Variants in TENM2 observed in about 807,000 individuals in gnomAD.
The protein encoded by TENM2 is teneurin transmembrane protein 2, also known as teneurin-2.
TENM2 carries 52 observed loss-of-function variants against 245.2 expected under a neutral mutation model. That is an observed-to-expected ratio of 0.21 (90% CI 0.17 to 0.27). TENM2 has a LOEUF of 0.27. TENM2 is among the 10% of genes least tolerant of loss of function. The pLI, the probability that TENM2 is intolerant of heterozygous loss-of-function variation, is 1.00. For missense variants in TENM2, 3,046 were observed against 3,666.8 expected (o/e 0.83, Z 4.37); for synonymous variants, 1,363 against 1,438.9 (o/e 0.95, Z 1.19).
At chr5:167,075,513 A>G in the TENM2 span, among the ~76,000 whole-genome samples, 5 of 152,306 alleles carry the variant, frequency 3.3e-5, no homozygotes, top group African/African-American at 1.2e-4. Flanking sequence ...CTTCCTTGAG[A>G]ATAAAAGCAA....
chr5:167,585,451 G>A (rs1015597182), intron 2 of TENM2, among the ~76,000 whole-genome samples: 4 of 152,124 alleles, frequency 2.6e-5, no homozygotes, highest in African/African-American at 7.2e-5. Context: ...TGAATATCAG[G>A]CATTTTGCTA....
chr5:167,514,651 G>A (rs1385554946), intron 2 of TENM2, among the ~76,000 whole-genome samples: 2 of 152,182 alleles, frequency 1.3e-5, no homozygotes, highest in African/African-American at 4.8e-5. Flanking sequence ...GAGGTGTAGG[G>A]CCTGAATGAC....
chr5:167,104,906 T>C, the TENM2 span, among the ~76,000 whole-genome samples: 1 of 152,202 alleles, frequency 6.6e-6, no homozygotes, highest in Non-Finnish European at 1.5e-5. Flanking sequence ...CTGAATGTGA[T>C]GGAATATGTG....
intron 23 of TENM2, among the ~76,000 whole-genome samples, chr5:168,225,547 G>A (rs945741091): frequency 7.2e-5 from 11 of 152,184 alleles, no homozygotes; most frequent in African/African-American, 2.7e-4. Flanking sequence ...GATCACCTGA[G>A]GTCAGGAGTT....
At chr5:167,012,062 C>T in the TENM2 span, among the ~76,000 whole-genome samples, 1 of 152,054 alleles carries the variant, frequency 6.6e-6, no homozygotes, top group Non-Finnish European at 1.5e-5. Context: ...AATGAAAATA[C>T]AGAAGACAAG....
chr5:167,211,347 G>A, the TENM2 span, among the ~76,000 whole-genome samples: 5 of 152,112 alleles, frequency 3.3e-5, no homozygotes, highest in African/African-American at 9.7e-5. Context: ...TAACTCTGAG[G>A]ATAAGATGCT....
intron 1 of TENM2, among the ~76,000 whole-genome samples, chr5:167,301,761 G>A (rs1215622266): frequency 6.6e-6 from 1 of 152,158 alleles, no homozygotes; most frequent in African/African-American, 2.4e-5. Context: ...TCTGATTTGG[G>A]ATAAGGAAAA....
chr5:168,247,911 T>C lies in TENM2; in HGVS notation c.6972T>C (p.Ser2324=). The C allele has an allele frequency of 1.2e-6, 2 of 1,613,964 alleles. No homozygotes were observed. The highest frequency in any genetic ancestry group is 1.3e-5 in the African/African-American group (1 of 75,036). The stretch of plus-strand genomic sequence containing the variant: ...GCCACCACCTGCAGTACTTCTACTC[T>C]GACCTCCACAACCCGACGCGCATCA... Residue 2324 remains serine, a synonymous_variant, in exon 27 of 29, where the codon TCT becomes TCC. Transcript: ENST00000518659. This position sits in a 1 kb window ranked among gnomAD's most constrained non-coding sequence, Gnocchi z 7.8.
At chr5:168,118,437 T>C (rs1795243200) in exon 10 of TENM2, 2 of 1,607,728 alleles carry the variant, frequency 1.2e-6, no homozygotes, top group Middle Eastern at 1.7e-4. Context: ...CCTGCATTGA[T>C]GGGAACTGTG....
At chr5:168,198,918 G>T (rs1761697095) in exon 16 of TENM2, 2 of 1,614,038 alleles carry the variant, frequency 1.2e-6, no homozygotes, top group East Asian at 2.2e-5. Flanking sequence ...CCGTTCATGA[G>T]CCAGGAGCGC....
chr5:167,513,412 A>C (rs1489120850), intron 2 of TENM2, among the ~76,000 whole-genome samples: 1 of 152,212 alleles, frequency 6.6e-6, no homozygotes, highest in Non-Finnish European at 1.5e-5. Flanking sequence ...GTAACGAAGT[A>C]AAGCCTGCCT....
In TENM2 at chr5:167,288,507, G is replaced by A. The variant is rs1242387949; in HGVS notation, c.226+3444G>A. Reference sequence around the variant, plus strand: ...CTGGGAGGCGGAGCTTGCAGTGAGCGGAGATCGCGCCACTGCACTCCAGCC... The same window carrying A: ...CTGGGAGGCGGAGCTTGCAGTGAGCAGAGATCGCGCCACTGCACTCCAGCC... On this transcript the variant is annotated intron_variant, in intron 1 of 28. Coordinates refer to ENST00000518659, the Ensembl canonical transcript of TENM2. 5.3e-5 allele frequency among the ~76,000 whole-genome samples: 8 copies of A among 150,630 alleles called. No homozygotes were observed. The South Asian group carries it at 1.7e-3, about 31-fold the overall frequency.
intron 19 of TENM2, among the ~76,000 whole-genome samples, chr5:168,207,615 T>C (rs1289880557): frequency 1.3e-5 from 2 of 152,056 alleles, no homozygotes; most frequent in Non-Finnish European, 2.9e-5. Flanking sequence ...GTCAATCCCC[T>C]CTCTTCAAAA....
upstream of TENM2, among the ~76,000 whole-genome samples, chr5:167,283,392 G>A (rs1439298726): frequency 6.6e-6 from 1 of 152,060 alleles, no homozygotes; most frequent in East Asian, 1.9e-4. Context: ...ACAATTACAG[G>A]CAATATTTGA....
chr5:168,137,590 G>A (rs1200943712), intron 12 of TENM2, among the ~76,000 whole-genome samples: 2 of 152,248 alleles, frequency 1.3e-5, no homozygotes, highest in Non-Finnish European at 2.9e-5. Flanking sequence ...TTTGCAGATA[G>A]CATCCTGGCA....
At chr5:167,341,599 A>G (rs1758101134) in intron 1 of TENM2, among the ~76,000 whole-genome samples, 1 of 152,074 alleles carries the variant, frequency 6.6e-6, no homozygotes, top group Non-Finnish European at 1.5e-5. Context: ...AGTACTTCAC[A>G]TTTGTGATGA....
chr5:167,822,090 G>A (rs1168985233), intron 2 of TENM2, among the ~76,000 whole-genome samples: 1 of 151,968 alleles, frequency 6.6e-6, no homozygotes, highest in Non-Finnish European at 1.5e-5. Context: ...TTAGTCTGAG[G>A]AATCTGTTTG....
chr5:168,102,468 A>G (rs1336575094), intron 9 of TENM2, among the ~76,000 whole-genome samples: 1 of 152,218 alleles, frequency 6.6e-6, no homozygotes, highest in African/African-American at 2.4e-5. Flanking sequence ...CTATCTAGAG[A>G]GTAATATTTT....
intron 2 of TENM2, among the ~76,000 whole-genome samples, chr5:167,404,240 A>G (rs1408753606): frequency 6.6e-6 from 1 of 151,952 alleles, no homozygotes; most frequent in African/African-American, 2.4e-5. Context: ...GGTGTTTGAG[A>G]GAGGCATGAG....
Sources: allele counts gnomAD v4.1 joint callset (sites outside exome capture counted in the v4.1 genomes callset), GRCh38; gene constraint gnomAD v4.1.1; non-coding constraint Gnocchi (gnomAD v3.1); transcripts MANE v1.5; gene names NCBI Gene and HGNC (gene_info 2026-07-23, HGNC 2026-07-21).